The following CFAP61 variants were observed in gnomAD, a reference collection of about 807,000 sequenced individuals.
CFAP61 encodes the protein cilia and flagella associated protein 61, also known as cilia- and flagella-associated protein 61.
A neutral mutation model predicts 135.6 loss-of-function variants in CFAP61; 107 were observed. The ratio of observed to expected loss-of-function variants is 0.79; its 90% CI spans 0.67 to 0.93. CFAP61 has a LOEUF of 0.93. Ranked by LOEUF, CFAP61 falls within the 40% of genes least tolerant of loss-of-function variation. The probability of loss-of-function intolerance (pLI) is 0.00; values close to 1 mark genes in which losing one functional copy is unlikely to be tolerated. For missense variants in CFAP61, 1,507 were observed against 1,556.2 expected (o/e 0.97, Z 0.53); for synonymous variants, 575 against 578.5 (o/e 0.99, Z 0.09).
At position 20,169,235 on chromosome 20, in the gene CFAP61, A is replaced by G. The variant is rs1393613693; in HGVS notation, c.1246-86A>G. ...TCCTTAATCAACACATTTTGCTTCT[A>G]TTTTTCTTGGTGTTTTTTAGAGGAA... On this transcript the variant is annotated intron_variant, in intron 12 of 26. Coordinates refer to ENST00000245957, the MANE Select transcript of CFAP61 (RefSeq NM_015585.4). The G allele has an allele frequency of 7.5e-6, 10 of 1,327,086 alleles. No individual in the cohort carries two copies. The East Asian group carries it at 1.2e-4, about 16-fold the overall frequency. The allele number at this position is 1,327,086 out of a possible 1,614,324, so 82.2% of individuals were successfully genotyped here. A position where few individuals can be genotyped will look rare whatever the true frequency, so the allele number is the denominator to read the frequency against.
chr20:20,133,431 C>G (rs1412883029), intron 8 of CFAP61, among the ~76,000 whole-genome samples: 1 of 152,082 alleles, frequency 6.6e-6, no homozygotes, highest in African/African-American at 2.4e-5. Flanking sequence ...GGCAGAGGCA[C>G]AAGAGAGCAA....
intron 20 of CFAP61, among the ~76,000 whole-genome samples, chr20:20,252,653 A>G (rs1438843393): frequency 1.3e-5 from 2 of 152,192 alleles, no homozygotes; most frequent in Non-Finnish European, 2.9e-5. Context: ...CAGGGAAGCC[A>G]AAAGATTAGA....
Position 20,244,835 on chromosome 20 carries a change from C to T in CFAP61, c.2061-1282C>T, listed in dbSNP as rs1468337868. Among the ~76,000 whole-genome samples, 3 of 152,248 alleles carry T rather than the reference C, an allele frequency of 2.0e-5. No individual in the cohort carries two copies. In the East Asian group the frequency reaches 5.8e-4, roughly 29 times the overall value. On this transcript the variant is annotated intron_variant, in intron 18 of 26. Transcript: ENST00000245957. ...ATAAAACTGAATGCCTTTAACAGCACACACATCACCTCTTGAATGCTTTGC... is the reference window on the plus strand; with the variant it reads ...ATAAAACTGAATGCCTTTAACAGCATACACATCACCTCTTGAATGCTTTGC...
At chr20:20,257,636 A>G (rs1274941454) in intron 20 of CFAP61, among the ~76,000 whole-genome samples, 1 of 151,644 alleles carries the variant, frequency 6.6e-6, no homozygotes, top group Non-Finnish European at 1.5e-5. Context: ...AACAAAAAAA[A>G]AAAAGAAAAA....
chr20:20,131,752 T>TA (rs1422446297), intron 8 of CFAP61, among the ~76,000 whole-genome samples: 2 of 152,090 alleles, frequency 1.3e-5, no homozygotes, highest in African/African-American at 4.8e-5. Flanking sequence ...TCCATACTAA[T>TA]ATAAGTATTT....
chr20:20,324,715 T>A (rs1184865740), intron 25 of CFAP61, among the ~76,000 whole-genome samples: 1 of 152,202 alleles, frequency 6.6e-6, no homozygotes. Context: ...TTTCTCCCCA[T>A]GCTCATGAAC....
chr20:20,125,250 T>C (rs1167800643), intron 8 of CFAP61, among the ~76,000 whole-genome samples: 2 of 151,900 alleles, frequency 1.3e-5, no homozygotes, highest in Admixed American at 6.5e-5. Flanking sequence ...ATTTCCTTTC[T>C]TCTGCTGGGT....
At position 20,320,450 on chromosome 20, in the gene CFAP61, TA is replaced by T. The variant is rs2057428586; in HGVS notation, c.3423-21380del. ...TATGTAATATAATATATGTAATATA[TA>T]TTATATATGTAATATATAATATATG... On this transcript the variant is annotated intron_variant, in intron 25 of 26. Coordinates refer to ENST00000245957, the MANE Select transcript of CFAP61 (RefSeq NM_015585.4). 1.7e-5 allele frequency among the ~76,000 whole-genome samples: 2 copies of T among 114,626 alleles called. 1 individual carries two copies. Among genetic ancestry groups the T allele is most frequent in the Non-Finnish European group, 3.3e-5 (2 of 60,490 alleles). The allele number at this position is 114,626 out of a possible 152,430, so 75.2% of individuals were successfully genotyped here. A position where few individuals can be genotyped will look rare whatever the true frequency, so the allele number is the denominator to read the frequency against.
intron 24 of CFAP61, among the ~76,000 whole-genome samples, chr20:20,293,329 C>T (rs1253723532): frequency 6.6e-6 from 1 of 152,198 alleles, no homozygotes; most frequent in Non-Finnish European, 1.5e-5. Context: ...GGTGCTATGA[C>T]AGTATGTGAA....
At chr20:20,123,947 C>T (rs2146701634) in intron 8 of CFAP61, among the ~76,000 whole-genome samples, 1 of 122,546 alleles carries the variant, frequency 8.2e-6, no homozygotes, top group African/African-American at 3.0e-5. Context: ...GGCCTTTTGC[C>T]TTCTTGGTTA....
intron 8 of CFAP61, among the ~76,000 whole-genome samples, chr20:20,113,092 GTTTCATAGATGTCCATGGAC>G (rs1329885422): frequency 6.6e-6 from 1 of 152,136 alleles, no homozygotes; most frequent in Non-Finnish European, 1.5e-5. Flanking sequence ...TATAGGATCA[GTTTCATAGATGTCCATGGAC>G]TTTCAAAGAG....
Position 20,221,208 on chromosome 20 carries a change from C to G in CFAP61, c.1933-7041C>G, listed in dbSNP as rs2048376443. 3.3e-5 allele frequency: 5 copies of G among 152,194 alleles called. No homozygotes were observed. The South Asian group carries it at 1.0e-3, about 32-fold the overall frequency. 9.4% of individuals were successfully genotyped at this position (152,194 alleles called of 1,614,324 possible). A position where few individuals can be genotyped will look rare whatever the true frequency, so the allele number is the denominator to read the frequency against. On this transcript the variant is annotated intron_variant, in intron 17 of 26. Transcript: ENST00000245957. ...GAACACTTTACACTACTCAAGGTGG[C>G]AAAGGAGAGACATGGAGCCATTTGA...
chr20:20,271,940 C>T (rs1199647889), intron 21 of CFAP61, among the ~76,000 whole-genome samples: 1 of 152,118 alleles, frequency 6.6e-6, no homozygotes, highest in Non-Finnish European at 1.5e-5. Context: ...TTCCACTCTA[C>T]TTCTTTTATA....
chr20:20,227,227 A>C (rs2048801604), intron 17 of CFAP61, among the ~76,000 whole-genome samples: 1 of 152,372 alleles, frequency 6.6e-6, no homozygotes, highest in Middle Eastern at 3.4e-3. Context: ...GAAAATCCAA[A>C]GCAGGTTTGA....
chr20:20,251,718 C>T lies in CFAP61; in HGVS notation c.2283C>T (p.Ile761=). 3 of 1,614,050 alleles carry T rather than the reference C, an allele frequency of 1.9e-6. No homozygotes were observed. Among genetic ancestry groups the T allele is most frequent in the South Asian group, 2.2e-5 (2 of 91,086 alleles). ...ACGTTGTGCTTTCCACGGACGAGAT[C>T]GTGCCCTACGACCACCTCATCCTCT... The part of the protein sequence containing the change: ...AKHVVLSTDE[I]VPYDHLILCT... The change falls in exon 20 of 27, where the codon ATC becomes ATT. Residue 761 remains isoleucine, a synonymous_variant. Coordinates refer to ENST00000245957, the MANE Select transcript of CFAP61 (RefSeq NM_015585.4).
intron 25 of CFAP61, among the ~76,000 whole-genome samples, chr20:20,314,952 T>C (rs1325352969): frequency 8.1e-6 from 1 of 122,910 alleles, no homozygotes; most frequent in Non-Finnish European, 1.7e-5. Flanking sequence ...GACATTTGGG[T>C]TGGTTCCAAG....
At chr20:20,234,538 T>G (rs2049426751) in intron 18 of CFAP61, among the ~76,000 whole-genome samples, 1 of 152,204 alleles carries the variant, frequency 6.6e-6, no homozygotes. Flanking sequence ...CAGAAAGTTT[T>G]GCTGGAAAAG....
At chr20:20,165,534 C>T (rs1033012280) in intron 11 of CFAP61, among the ~76,000 whole-genome samples, 2 of 151,886 alleles carry the variant, frequency 1.3e-5, no homozygotes, top group African/African-American at 4.8e-5. Context: ...AGAACACCCA[C>T]ATGTTCAGTG....
chr20:20,246,159 T>G lies in CFAP61; in HGVS notation c.2103T>G (p.His701Gln). The change falls in exon 19 of 27, where the codon CAT becomes CAG. Residue 701 changes from histidine to glutamine, a missense_variant. Coordinates refer to ENST00000245957, the MANE Select transcript of CFAP61 (RefSeq NM_015585.4). Reference sequence around the variant, plus strand: ...ATAATCTTACCCTGATTTCAACTCATGGACTCCCAGGAAAAAAACTTCTGG... The same window carrying G: ...ATAATCTTACCCTGATTTCAACTCAGGGACTCCCAGGAAAAAAACTTCTGG... ...KFNNLTLIST[H>Q]GLPGKKLLDT... The G allele has an allele frequency of 6.2e-7, 1 of 1,613,674 alleles. No homozygotes were observed. The highest frequency in any genetic ancestry group is 8.5e-7 in the Non-Finnish European group (1 of 1,179,564).
Sources: allele counts gnomAD v4.1 joint callset (sites outside exome capture counted in the v4.1 genomes callset), GRCh38; gene constraint gnomAD v4.1.1; transcripts MANE v1.5; gene names NCBI Gene and HGNC (gene_info 2026-07-23, HGNC 2026-07-21).